Variants in ADGRL2 observed in about 807,000 individuals in gnomAD.
ADGRL2 encodes adhesion G protein-coupled receptor L2, also known as calcium-independent alpha-latrotoxin receptor 2.
A neutral mutation model predicts 157.4 loss-of-function variants in ADGRL2; 44 were observed. The observed-to-expected ratio is 0.28, with a 90% confidence interval of 0.22 to 0.36. The LOEUF (loss-of-function observed/expected upper bound fraction) is 0.36, where lower values mean the gene tolerates loss of function less well. Ranked by LOEUF, ADGRL2 falls within the 10% of genes least tolerant of loss-of-function variation. The pLI is 1.00. For synonymous variants in ADGRL2, 585 were observed against 624.7 expected, an observed-to-expected ratio of 0.94 and a Z score of 0.95; for missense variants, 1,510 against 1,768.9, an observed-to-expected ratio of 0.85 and a Z score of 2.63.
Position 81,485,530 on chromosome 1 carries a change from T to C in ADGRL2, c.-248+40441T>C, listed in dbSNP as rs567078381. 1.8e-3 allele frequency among the ~76,000 whole-genome samples: 270 copies of C among 152,324 alleles called. 4 individuals carry two copies. Among genetic ancestry groups the C allele is most frequent in the African/African-American group, 6.1e-3 (253 of 41,570 alleles). On this transcript the variant is annotated intron_variant, in intron 2 of 24. Transcript: ENST00000370721. ...ATATAAATGGTATTTCATATATGAA[T>C]GGTATTTCTGTGCCTTGGTTTAATA...
intron 1 of ADGRL2, among the ~76,000 whole-genome samples, chr1:81,819,650 A>C (rs2090784383): frequency 6.6e-6 from 1 of 151,982 alleles, no homozygotes; most frequent in Non-Finnish European, 1.5e-5. Flanking sequence ...CTAGGTTTTT[A>C]TTTGTATTTT....
intron 1 of ADGRL2, among the ~76,000 whole-genome samples, chr1:81,399,398 A>C (rs2076712049): frequency 6.6e-6 from 1 of 152,184 alleles, no homozygotes. Context: ...TCTTCCTTCT[A>C]GAAGTCCATA....
At chr1:81,713,591 C>T (rs1477970987) in intron 1 of ADGRL2, among the ~76,000 whole-genome samples, 1 of 152,202 alleles carries the variant, frequency 6.6e-6, no homozygotes, top group Non-Finnish European at 1.5e-5. Context: ...GTAAACTGCA[C>T]AGCAATCTTG....
At chr1:81,836,817 G>A (rs182828047) in intron 1 of ADGRL2, 68 bp from the exon 2 acceptor site, 6 of 482,608 alleles carry the variant, frequency 1.2e-5, no homozygotes, top group South Asian at 7.6e-5. Context: ...AGAGAGGAAC[G>A]GAGAGAGAGA....
At chr1:81,306,551 ACTGT>A (rs1659348223) in intron 1 of ADGRL2, 1 of 152,018 alleles carries the variant, frequency 6.6e-6, no homozygotes, top group Non-Finnish European at 1.5e-5. Context: ...TAATGCCTCC[ACTGT>A]CTGCTCATTA....
In ADGRL2 at chr1:81,722,690, C is replaced by T. The variant is rs1029814694; in HGVS notation, c.-143+22882C>T. The T allele has an allele frequency of 3.5e-6, 4 of 1,139,316 alleles. No homozygotes were observed. In the African/African-American group the frequency reaches 4.6e-5, roughly 13 times the overall value. The allele number at this position is 1,139,316 out of a possible 1,614,324, so 70.6% of individuals were successfully genotyped here. ...GTTCAACCTAGGGCACAGGAAATTG[C>T]AGAAGAAAGTATGAGCGAAACGTGA... On this transcript the variant is annotated intron_variant, in intron 1 of 20. Coordinates refer to the ADGRL2 transcript ENST00000359929.
At chr1:81,832,751 TAAACTC>T (rs1275846639) in intron 1 of ADGRL2, among the ~76,000 whole-genome samples, 1 of 151,990 alleles carries the variant, frequency 6.6e-6, no homozygotes, top group African/African-American at 2.4e-5. Context: ...GAAAAGAAAA[TAAACTC>T]AAACCTCAAA....
intron 1 of ADGRL2, among the ~76,000 whole-genome samples, chr1:81,439,743 G>A (rs566738808): frequency 6.6e-6 from 1 of 152,328 alleles, no homozygotes; most frequent in East Asian, 1.9e-4. Context: ...TGTGTTAGCA[G>A]CTCAGTTGGT....
At chr1:81,484,798 A>G (rs1376622442) in intron 2 of ADGRL2, among the ~76,000 whole-genome samples, 2 of 152,216 alleles carry the variant, frequency 1.3e-5, no homozygotes, top group Middle Eastern at 3.4e-3. Flanking sequence ...GAAATATCTA[A>G]ATATCATTTA....
chr1:81,762,135 G>A (rs1427547476), intron 2 of ADGRL2, among the ~76,000 whole-genome samples: 3 of 151,906 alleles, frequency 2.0e-5, no homozygotes, highest in Non-Finnish European at 4.4e-5. Flanking sequence ...GTTTTCTGGG[G>A]TAATTTATTT....
At chr1:81,353,193 C>A (rs1390085227) in intron 1 of ADGRL2, among the ~76,000 whole-genome samples, 3 of 149,518 alleles carry the variant, frequency 2.0e-5, no homozygotes, top group East Asian at 3.9e-4. Flanking sequence ...TAGGCACTTC[C>A]CATACTGCCT....
At chr1:81,916,293 C>G (rs1185891826) in intron 3 of ADGRL2, among the ~76,000 whole-genome samples, 1 of 152,008 alleles carries the variant, frequency 6.6e-6, no homozygotes, top group African/African-American at 2.4e-5. Context: ...CAGTATGGAT[C>G]TGCTTGTTGA....
chr1:81,552,158 CT>C (rs1447660688), intron 2 of ADGRL2, among the ~76,000 whole-genome samples: 1 of 152,130 alleles, frequency 6.6e-6, no homozygotes, highest in Non-Finnish European at 1.5e-5. Context: ...TGACTAAGAC[CT>C]TGAAGAGTTC....
At chr1:81,721,620 C>A (rs1376885645) in intron 1 of ADGRL2, 3 of 643,354 alleles carry the variant, frequency 4.7e-6, no homozygotes, top group East Asian at 5.5e-5. Flanking sequence ...TGCTTCTGTG[C>A]GGTCACGCCA....
At chr1:81,738,693 A>G (rs1352597357) in intron 1 of ADGRL2, among the ~76,000 whole-genome samples, 1 of 152,144 alleles carries the variant, frequency 6.6e-6, no homozygotes, top group Non-Finnish European at 1.5e-5. Flanking sequence ...CCATACAGTG[A>G]AACTGAAATG....
intron 11 of ADGRL2, among the ~76,000 whole-genome samples, chr1:81,956,453 A>G (rs1486837414): frequency 6.6e-6 from 1 of 152,086 alleles, no homozygotes; most frequent in Non-Finnish European, 1.5e-5. Flanking sequence ...TCTCAGTCAG[A>G]TATTTTAGCA....
intron 2 of ADGRL2, among the ~76,000 whole-genome samples, chr1:81,879,515 T>TA (rs1170189145): frequency 1.2e-4 from 14 of 113,860 alleles, no homozygotes; most frequent in East Asian, 5.3e-4. Context: ...ACCCAGAATT[T>TA]AAAAAAAAAA....
At chr1:81,553,703 A>G (rs1379191363) in intron 2 of ADGRL2, among the ~76,000 whole-genome samples, 3 of 152,232 alleles carry the variant, frequency 2.0e-5, no homozygotes, top group Non-Finnish European at 4.4e-5. Context: ...TTCTGTAAGA[A>G]TCAATACTTT....
At chr1:81,879,125 A>G (rs2093919244) in intron 2 of ADGRL2, among the ~76,000 whole-genome samples, 1 of 152,206 alleles carries the variant, frequency 6.6e-6, no homozygotes. Flanking sequence ...TTTAGAGATT[A>G]TTGAATTATT....
Sources: allele counts gnomAD v4.1 joint callset (sites outside exome capture counted in the v4.1 genomes callset), GRCh38; gene constraint gnomAD v4.1.1; transcripts MANE v1.5; gene names NCBI Gene and HGNC (gene_info 2026-07-23, HGNC 2026-07-21).